Variants in SLC49A3 observed in about 807,000 individuals in gnomAD.
The protein encoded by SLC49A3 is solute carrier family 49 member A3.
SLC49A3 carries 50 observed loss-of-function variants against 43.8 expected under a neutral mutation model. That is an observed-to-expected ratio of 1.14 (90% confidence interval 0.91 to 1.45). The LOEUF (loss-of-function observed/expected upper bound fraction) is 1.45. Among genes scored for constraint, SLC49A3 ranks in the 40% most tolerant of loss-of-function variants. SLC49A3 has a pLI of 0.00. For missense variants in SLC49A3, 906 were observed against 774.1 expected (o/e 1.17, Z -2.02); for synonymous variants, 413 against 352.0 (o/e 1.17, Z -1.94).
At position 683,180 on chromosome 4, in the gene SLC49A3, G is replaced by A. The variant is rs201324677; in HGVS notation, c.1151+30C>T. On this transcript the variant is annotated intron_variant, in intron 8 of 9. Transcript: ENST00000322224. ...GGGTGGAGCAAGGGGAGTATCTCTG[G>A]GGTTGCAGCAGGGGCAGATGGACAC... The A allele has an allele frequency of 1.2e-5, 20 of 1,612,430 alleles. No individual in the cohort carries two copies. In the African/African-American group the frequency reaches 2.1e-4, roughly 17 times the overall value.
Position 682,137 on chromosome 4 carries a change from G to T in SLC49A3, c.1501C>A (p.Pro501Thr). Reference protein sequence around the residue: ...CTARGASLEDPRGPGSPHPAC... With the variant: ...CTARGASLEDTRGPGSPHPAC... ...GGGTGGGGGCTCCCGGGCCCTCTGG[G>T]GTCCTCTAGCGAGGCCCCCCTCGCC... is the stretch of plus-strand genomic sequence containing the variant. The change falls in exon 10 of 10, where the codon CCC becomes ACC. Residue 501 changes from proline to threonine, a missense_variant. Coordinates refer to ENST00000322224, the MANE Select transcript of SLC49A3 (RefSeq NM_032219.4). 1 of 1,345,122 alleles carries T rather than the reference G, an allele frequency of 7.4e-7. No individual in the cohort carries two copies. Among genetic ancestry groups the T allele is most frequent in the South Asian group, 1.9e-5 (1 of 53,846 alleles). 83.3% of individuals were successfully genotyped at this position (1,345,122 alleles called of 1,614,324 possible).
downstream of SLC49A3, chr4:679,971 C>T: frequency 6.2e-7 from 1 of 1,613,638 alleles, no homozygotes. Flanking sequence ...GCCTCGGGGC[C>T]CATCAACTTC....
rs1262129959 is a variant in SLC49A3, at chr4:684,039, C to G, written c.841-278G>C. 7.9e-5 allele frequency among the ~76,000 whole-genome samples: 12 copies of G among 152,324 alleles called. No homozygotes were observed. In the East Asian group the frequency reaches 2.1e-3, roughly 27 times the overall value. ...CCTGTGGCCCTGGCAAAGGTGGAAA[C>G]ATGCCCCCAATCCTACACTGAGCAC... On this transcript the variant is annotated intron_variant, in intron 6 of 9. Coordinates refer to ENST00000322224, the MANE Select transcript of SLC49A3 (RefSeq NM_032219.4).
At position 683,248 on chromosome 4, in the gene SLC49A3, C is replaced by G. The variant is rs770286414; in HGVS notation, c.1113G>C (p.Val371=). The change falls in exon 8 of 10, where the codon GTG becomes GTC. Residue 371 remains valine, a synonymous_variant. Coordinates refer to ENST00000322224, the MANE Select transcript of SLC49A3 (RefSeq NM_032219.4). ...MELAVECSFP[V]GEGAATGMIF... ...TCATGCCTGTGGCAGCCCCCTCCCC[C>G]ACGGGGAAGGAACACTCGACCGCCA... The G allele has an allele frequency of 3.7e-6, 6 of 1,612,702 alleles. No individual in the cohort carries two copies. The highest frequency in any genetic ancestry group is 3.3e-5 in the Admixed American group (2 of 59,992).
downstream of SLC49A3, among the ~76,000 whole-genome samples, chr4:681,534 C>T (rs1427263257): frequency 1.3e-5 from 2 of 148,534 alleles, no homozygotes; most frequent in African/African-American, 2.5e-5. Context: ...CCCACACGGT[C>T]CTCCCCGACG....
Position 685,940 on chromosome 4 carries a change from C to T in SLC49A3, c.509-29G>A. 5 of 1,613,488 alleles carry T rather than the reference C, an allele frequency of 3.1e-6. No homozygotes were observed. Among genetic ancestry groups the T allele is most frequent in the Non-Finnish European group, 2.5e-6 (3 of 1,179,902 alleles). Reference sequence around the variant, plus strand: ...GGTGGGCGGATGCACAAAGTGTCAGCTCGGCTGTGGCCTGGCTTCATCGCC... The same window carrying T: ...GGTGGGCGGATGCACAAAGTGTCAGTTCGGCTGTGGCCTGGCTTCATCGCC... On this transcript the variant is annotated intron_variant, in intron 3 of 9. Coordinates refer to ENST00000322224, the MANE Select transcript of SLC49A3 (RefSeq NM_032219.4). The surrounding 1 kb of genome is among the most constrained non-coding windows in gnomAD (Gnocchi z 4.3).
chr4:681,145 G>A (rs1188744769), downstream of SLC49A3: 1 of 1,603,668 alleles, frequency 6.2e-7, no homozygotes, highest in African/African-American at 1.3e-5. Context: ...GAAGAGGTCT[G>A]GCCCGCGGCT....
At chr4:684,671 GC>G in intron 5 of SLC49A3, 47 bp downstream of exon 5, 1 of 1,605,880 alleles carries the variant, frequency 6.2e-7, no homozygotes, top group Non-Finnish European at 8.5e-7. Context: ...TCAGCCTCTT[GC>G]CCCCACCCCC....
rs1740233021 is a variant in SLC49A3 at position 683,349 on chromosome 4, G to A, written c.1012C>T (p.Gln338Ter). 1 of 1,611,236 alleles carries A rather than the reference G, an allele frequency of 6.2e-7. No individual in the cohort carries two copies. Among genetic ancestry groups the A allele is most frequent in the Non-Finnish European group, 8.5e-7 (1 of 1,179,020 alleles). ...CAGGTGGCAGCCAGGGCAAGGGTCTGTCCCTGCAGCTGGGACACCTGGGAG... is the reference window on the plus strand; with the variant it reads ...CAGGTGGCAGCCAGGGCAAGGGTCTATCCCTGCAGCTGGGACACCTGGGAG... ...PFALVSQLQG[Q>*]TLALAATCSL... Residue 338 changes from glutamine to a stop codon, truncating the protein, a stop_gained, in exon 8 of 10, where the codon CAG becomes TAG. Coordinates refer to ENST00000322224, the MANE Select transcript of SLC49A3 (RefSeq NM_032219.4). LOFTEE classifies it high-confidence loss of function.
In SLC49A3 at chr4:683,138, C is replaced by T. The variant is rs1740165270; in HGVS notation, c.1151+72G>A. 2.5e-6 allele frequency: 4 copies of T among 1,591,530 alleles called. No individual in the cohort carries two copies. The South Asian group carries it at 4.5e-5, about 18-fold the overall frequency. ...GAAAAGGGGCCTGGACCACATGGTG[C>T]AACCCCAGGGGTGTAGGGGTGGAGC... On this transcript the variant is annotated intron_variant, in intron 8 of 9. Transcript: ENST00000322224.
At chr4:681,299 CGGA>C (rs2109360643), downstream of SLC49A3, among the ~76,000 whole-genome samples, 1 of 152,228 alleles carries the variant, frequency 6.6e-6, no homozygotes, top group South Asian at 2.1e-4. Flanking sequence ...GTCTGAGGGA[CGGA>C]ACTGGCTCAG....
upstream of SLC49A3, chr4:689,319 G>A (rs145493165): frequency 2.0e-3 from 691 of 338,872 alleles, 4 homozygotes; most frequent in African/African-American, 0.014. Flanking sequence ...CAAAAAAGCG[G>A]GGGAAGGGCG....
At chr4:681,659 C>A (rs1272679705), downstream of SLC49A3, among the ~76,000 whole-genome samples, 9 of 50,638 alleles carry the variant, frequency 1.8e-4, no homozygotes, top group Middle Eastern at 6.2e-3. Context: ...CCTCCAGCGC[C>A]GCCCCGCCCC....
At chr4:677,988 G>A, downstream of SLC49A3, 2 of 1,613,358 alleles carry the variant, frequency 1.2e-6, no homozygotes, top group Non-Finnish European at 1.7e-6. Context: ...GCAAGACCTG[G>A]GGCCCTGGGC....
chr4:683,796 G>A (rs1380068912), intron 6 of SLC49A3, 35 bp from the exon 7 acceptor site: 11 of 1,538,926 alleles, frequency 7.1e-6, no homozygotes, highest in East Asian at 4.9e-5. Flanking sequence ...GGCCCCAAGA[G>A]GCCACCATTA....
downstream of SLC49A3, chr4:680,519 C>T (rs367674993): frequency 2.4e-5 from 39 of 1,613,246 alleles, no homozygotes; most frequent in East Asian, 4.5e-5. Context: ...GTACCGACGC[C>T]GAGGAGACCA....
intron 6 of SLC49A3, 103 bp downstream of exon 6, chr4:684,380 C>T: frequency 2.0e-6 from 3 of 1,499,168 alleles, no homozygotes; most frequent in South Asian, 2.5e-5. Flanking sequence ...CAATGTGGCC[C>T]CCGCCAGGGT....
At chr4:684,454 A>T in intron 6 of SLC49A3, 29 bp downstream of exon 6, 1 of 1,610,496 alleles carries the variant, frequency 6.2e-7, no homozygotes, top group East Asian at 2.2e-5. Context: ...TGACAGAGGC[A>T]GGGTCCCCAG....
downstream of SLC49A3, chr4:677,928 GC>G: frequency 6.2e-7 from 1 of 1,602,156 alleles, no homozygotes; most frequent in South Asian, 1.1e-5. Context: ...GTAGGGAGTG[GC>G]AGCCGGAGTC....
Sources: allele counts gnomAD v4.1 joint callset (sites outside exome capture counted in the v4.1 genomes callset), GRCh38; gene constraint gnomAD v4.1.1; non-coding constraint Gnocchi (gnomAD v3.1); transcripts MANE v1.5; gene names NCBI Gene and HGNC (gene_info 2026-07-23, HGNC 2026-07-21).